Variants in CRHR1 observed in about 807,000 individuals in gnomAD.
CRHR1 encodes the protein corticotropin-releasing hormone receptor 1.
In CRHR1, 28 loss-of-function variants were observed where a neutral mutation model predicts 56.0. That is an observed-to-expected ratio of 0.50 (90% CI 0.37 to 0.69). The LOEUF (loss-of-function observed/expected upper bound fraction) is 0.69. CRHR1 is among the 30% of genes least tolerant of loss of function. The pLI, the probability that CRHR1 is intolerant of heterozygous loss-of-function variation, is 0.00. For missense variants in CRHR1, 376 were observed against 548.0 expected (o/e 0.69, Z 3.13); for synonymous variants, 195 against 216.5 (o/e 0.90, Z 0.87).
At position 45,820,399 on chromosome 17, in the gene CRHR1, C is replaced by G. The variant is rs570240653; in HGVS notation, c.242-956C>G. Among the ~76,000 whole-genome samples the G allele has an allele frequency of 9.8e-5, 15 of 152,300 alleles. No individual in the cohort carries two copies. The East Asian group carries it at 2.9e-3, about 29-fold the overall frequency. On this transcript the variant is annotated intron_variant, in intron 3 of 12. Transcript: ENST00000314537. ...AGGTTTTAGGACCCTGGAGCTCAAGCCTGGTAGGCATGAAGGAGGGTAAGG... is the reference window on the plus strand; with the variant it reads ...AGGTTTTAGGACCCTGGAGCTCAAGGCTGGTAGGCATGAAGGAGGGTAAGG...
intron 3 of CRHR1, among the ~76,000 whole-genome samples, chr17:45,816,982 A>AGCTGTGTGGATAAGAACCTT (rs2061942314): frequency 6.6e-6 from 1 of 152,176 alleles, no homozygotes; most frequent in African/African-American, 2.4e-5. Flanking sequence ...TCAGAGCCCC[A>AGCTGTGTGGATAAGAACCTT]GCTGTGTGGA....
intron 4 of CRHR1, among the ~76,000 whole-genome samples, chr17:45,824,256 A>G (rs2062108741): frequency 6.6e-6 from 1 of 152,204 alleles, no homozygotes; most frequent in Admixed American, 6.5e-5. Context: ...TGGTGCTCAG[A>G]GGAGCGGGTC....
At chr17:45,785,646 G>A (rs1188333818) in intron 1 of CRHR1, among the ~76,000 whole-genome samples, 1 of 152,212 alleles carries the variant, frequency 6.6e-6, no homozygotes, top group Non-Finnish European at 1.5e-5. Context: ...GTGGATTTGG[G>A]GGAGGGGTGC....
intron 1 of CRHR1, among the ~76,000 whole-genome samples, chr17:45,791,833 TTCTCTCTC>T (rs71363555): frequency 7.9e-6 from 1 of 127,122 alleles, no homozygotes; most frequent in Admixed American, 8.1e-5. Flanking sequence ...CTCTCTCTCT[TTCTCTCTC>T]TCTCTCTCTC....
intron 8 of CRHR1, 52 bp from the exon 9 acceptor site, chr17:45,833,086 A>T: frequency 6.7e-7 from 1 of 1,501,754 alleles, no homozygotes; most frequent in Non-Finnish European, 9.3e-7. Flanking sequence ...TCCCCATGCC[A>T]TCGAGGTGGA....
At position 45,835,464 on chromosome 17, in the gene CRHR1, T is replaced by C. The variant is rs4482334; in HGVS notation, c.*700T>C. The stretch of plus-strand genomic sequence containing the variant: ...AGCTTCCCCTCACTTAACCACCCCA[T>C]ACCAGTCACCTCCTGCTCCTTTTCC... On this transcript the variant is annotated 3_prime_UTR_variant, in exon 13 of 13. Coordinates refer to ENST00000314537, the MANE Select transcript of CRHR1 (RefSeq NM_004382.5). The C allele has an allele frequency of 0.14, 22,042 of 153,328 alleles. 2,155 individuals are homozygous for C. Among genetic ancestry groups the C allele is most frequent in the Middle Eastern group, 0.22 (65 of 296 alleles). 9.5% of individuals were successfully genotyped at this position (153,328 alleles called of 1,614,324 possible).
At chr17:45,833,289 C>G (rs1332011339) in intron 9 of CRHR1, 79 bp downstream of exon 9, 1 of 1,517,004 alleles carries the variant, frequency 6.6e-7, no homozygotes, top group African/African-American at 1.4e-5. Context: ...GAAAGGACTC[C>G]TCTACCTAGA....
At chr17:45,812,995 G>C (rs1164053667) in intron 2 of CRHR1, among the ~76,000 whole-genome samples, 1 of 152,172 alleles carries the variant, frequency 6.6e-6, no homozygotes, top group African/African-American at 2.4e-5. Flanking sequence ...CAGGGTCCCA[G>C]GGACCCCCCA....
chr17:45,794,833 A>T (rs1361887896), intron 1 of CRHR1, among the ~76,000 whole-genome samples: 1 of 152,032 alleles, frequency 6.6e-6, no homozygotes, highest in East Asian at 1.9e-4. Flanking sequence ...AAGGAATCCC[A>T]CTTCTCCAGG....
chr17:45,822,818 T>G (rs543373697), intron 4 of CRHR1, among the ~76,000 whole-genome samples: 1 of 149,802 alleles, frequency 6.7e-6, no homozygotes, highest in East Asian at 2.0e-4. Flanking sequence ...GCCATTGCAC[T>G]CCAGCCTGGG....
At chr17:45,793,539 A>C (rs989946698) in intron 1 of CRHR1, among the ~76,000 whole-genome samples, 1 of 152,218 alleles carries the variant, frequency 6.6e-6, no homozygotes, top group Middle Eastern at 3.2e-3. Context: ...GAGCACTGGC[A>C]TTCCTGGTAC....
chr17:45,813,991 GCTGGCCTCTGCCTCGGCT>G (rs1598424483), intron 2 of CRHR1, among the ~76,000 whole-genome samples: 1 of 152,242 alleles, frequency 6.6e-6, no homozygotes, highest in Non-Finnish European at 1.5e-5. Context: ...ATCCTCAGTG[GCTGGCCTCTGCCTCGGCT>G]CTGGCCTCGT....
At chr17:45,833,429 C>A in intron 9 of CRHR1, 23 bp from the exon 10 acceptor site, 1 of 1,612,398 alleles carries the variant, frequency 6.2e-7, no homozygotes. Context: ...ACACTCCGGC[C>A]CGCTGGTGTG....
In CRHR1 at chr17:45,830,077, C is replaced by A; in HGVS notation, c.435-17C>A. On this transcript the variant is annotated splice_polypyrimidine_tract_variant and intron_variant, in intron 5 of 12. Transcript: ENST00000314537. ...CTCTCCTATCGCTCCCATCATCCAC[C>A]CGCCCTGCTGCACCAGGAGCATCCG... 6.2e-7 allele frequency: 1 copy of A among 1,613,910 alleles called. No individual in the cohort carries two copies. The highest frequency in any genetic ancestry group is 8.5e-7 in the Non-Finnish European group (1 of 1,179,924).
chr17:45,821,012 A>C (rs1212981669), intron 3 of CRHR1, among the ~76,000 whole-genome samples: 1 of 152,250 alleles, frequency 6.6e-6, no homozygotes, highest in African/African-American at 2.4e-5. Flanking sequence ...ATTTCTCAGA[A>C]GAGCACCTAC....
chr17:45,800,763 A>T (rs1328079131), intron 1 of CRHR1: 1 of 151,696 alleles, frequency 6.6e-6, no homozygotes, highest in African/African-American at 2.4e-5. Context: ...GGCTCTGGGG[A>T]CTCTCCCAAG....
chr17:45,834,972 G>A lies in CRHR1; in HGVS notation c.*208G>A. The A allele has an allele frequency of 3.0e-6, 2 of 661,234 alleles. No homozygotes were observed. The highest frequency in any genetic ancestry group is 5.0e-6 in the Non-Finnish European group (2 of 399,490). The allele number at this position is 661,234 out of a possible 1,614,324, so 41.0% of individuals were successfully genotyped here. A position where few individuals can be genotyped will look rare whatever the true frequency, so the allele number is the denominator to read the frequency against. ...GAGTGGAAAGTCACCTACAGGACTG[G>A]GCCGGGCCCAGGGCCTCTGGCTTCC... On this transcript the variant is annotated 3_prime_UTR_variant, in exon 13 of 13. Coordinates refer to ENST00000314537, the MANE Select transcript of CRHR1 (RefSeq NM_004382.5).
At chr17:45,822,397 AC>A (rs2062060925) in intron 4 of CRHR1, among the ~76,000 whole-genome samples, 1 of 152,112 alleles carries the variant, frequency 6.6e-6, no homozygotes, top group African/African-American at 2.4e-5. Flanking sequence ...CTCCTTTCCC[AC>A]CCGACGCTTT....
intron 4 of CRHR1, among the ~76,000 whole-genome samples, chr17:45,823,372 C>T (rs1231186294): frequency 3.3e-5 from 5 of 149,782 alleles, no homozygotes; most frequent in Admixed American, 6.7e-5. Flanking sequence ...GGGAATGATT[C>T]ACACAAGGTC....
Sources: gnomAD v4.1 joint callset for allele counts (sites outside exome capture counted in the v4.1 genomes callset) on GRCh38, gnomAD v4.1.1 for gene constraint, MANE v1.5 for transcripts, NCBI Gene and HGNC (gene_info 2026-07-23, HGNC 2026-07-21) for gene names.